The following GRID2 variants were observed in gnomAD, a reference collection of about 807,000 sequenced individuals.
GRID2 encodes glutamate receptor ionotropic, delta-2.
Under a neutral mutation model 114.8 loss-of-function variants are expected in GRID2, and 33 were observed. That is an observed-to-expected ratio of 0.29 (90% CI 0.22 to 0.38). The LOEUF is 0.38. GRID2 is among the 10% of genes least tolerant of loss of function. The pLI is 1.00. For synonymous variants in GRID2, 505 were observed against 449.9 expected (o/e 1.12, Z -1.55); for missense variants, 1,184 against 1,257.7 (o/e 0.94, Z 0.89).
chr4:93,339,121 C>T (rs904594847), intron 8 of GRID2, among the ~76,000 whole-genome samples: 2 of 152,154 alleles, frequency 1.3e-5, no homozygotes, highest in African/African-American at 4.8e-5. Flanking sequence ...ATGTTATTAG[C>T]ATTTATTGTT....
intron 2 of GRID2, among the ~76,000 whole-genome samples, chr4:92,723,384 CTG>C (rs984303295): frequency 3.2e-4 from 48 of 152,080 alleles, no homozygotes; most frequent in African/African-American, 1.1e-3. Context: ...ATCTGTCAAA[CTG>C]TGTTTGATGA....
At chr4:93,111,380 A>T (rs1210294785) in intron 4 of GRID2, among the ~76,000 whole-genome samples, 1 of 152,208 alleles carries the variant, frequency 6.6e-6, no homozygotes, top group East Asian at 1.9e-4. Context: ...GTTACAAAAC[A>T]TATACAGATT....
chr4:93,592,110 G>T (rs1292144686), intron 13 of GRID2, among the ~76,000 whole-genome samples: 3 of 152,056 alleles, frequency 2.0e-5, no homozygotes, highest in Non-Finnish European at 4.4e-5. Flanking sequence ...TTTTGAATTT[G>T]TTTCCTCTTG....
chr4:93,626,470 T>A (rs747213313), intron 14 of GRID2, 35 bp downstream of exon 14: 2 of 1,410,886 alleles, frequency 1.4e-6, no homozygotes, highest in East Asian at 2.4e-5. Context: ...AGGGGAGAGA[T>A]GAAATTTAGA....
At chr4:93,784,783 A>C (rs979032014) in intron 1 of GRID2, among the ~76,000 whole-genome samples, 5 of 152,162 alleles carry the variant, frequency 3.3e-5, no homozygotes. Context: ...TATGTTCCAT[A>C]AAAGTGATAC....
intron 2 of GRID2, among the ~76,000 whole-genome samples, chr4:93,024,944 G>C (rs1175735889): frequency 6.6e-6 from 1 of 151,784 alleles, no homozygotes; most frequent in East Asian, 1.9e-4. Context: ...CTGTGAAGCA[G>C]AGAAATGATA....
intron 2 of GRID2, among the ~76,000 whole-genome samples, chr4:92,594,025 GAA>G (rs1258136894): frequency 6.6e-6 from 1 of 151,530 alleles, no homozygotes; most frequent in Non-Finnish European, 1.5e-5. Context: ...CAATTTAGAT[GAA>G]ATAATTGAGA....
chr4:92,546,955 T>C (rs1486950983), intron 1 of GRID2, among the ~76,000 whole-genome samples: 1 of 152,190 alleles, frequency 6.6e-6, no homozygotes, highest in Non-Finnish European at 1.5e-5. Flanking sequence ...GTCAGGATTG[T>C]TCCTGGGTCT....
intron 8 of GRID2, among the ~76,000 whole-genome samples, chr4:93,254,285 A>G (rs2149536598): frequency 6.6e-6 from 1 of 152,260 alleles, no homozygotes; most frequent in African/African-American, 2.4e-5. Context: ...AAATAATCAA[A>G]AGTGAGAAAT....
At chr4:93,374,877 C>A (rs1363197335) in intron 8 of GRID2, among the ~76,000 whole-genome samples, 1 of 152,142 alleles carries the variant, frequency 6.6e-6, no homozygotes, top group Non-Finnish European at 1.5e-5. Context: ...TTACTAGTTT[C>A]TTTCTAATCA....
chr4:92,954,804 C>T (rs1240357167), intron 2 of GRID2, among the ~76,000 whole-genome samples: 10 of 139,378 alleles, frequency 7.2e-5, no homozygotes, highest in African/African-American at 2.2e-4. Flanking sequence ...TGTGATGTTC[C>T]CCTTTCTGTG....
chr4:92,458,588 TGACAGGAACAA>T (rs1165135577), intron 1 of GRID2, among the ~76,000 whole-genome samples: 2 of 152,198 alleles, frequency 1.3e-5, no homozygotes, highest in Non-Finnish European at 2.9e-5. Context: ...AATAGGTTCG[TGACAGGAACAA>T]ACAACAAATT....
chr4:92,599,504 AT>A, intron 2 of GRID2, among the ~76,000 whole-genome samples: 1 of 152,278 alleles, frequency 6.6e-6, no homozygotes, highest in African/African-American at 2.4e-5. Flanking sequence ...ACATAGGGAA[AT>A]ATTAACTTTA....
intron 8 of GRID2, among the ~76,000 whole-genome samples, chr4:93,358,164 G>T (rs536619210): frequency 3.3e-5 from 5 of 151,808 alleles, no homozygotes; most frequent in Admixed American, 3.3e-4. Context: ...ACTAACCTGG[G>T]TATTCCAGAT....
intron 2 of GRID2, among the ~76,000 whole-genome samples, chr4:93,062,678 C>G (rs1727912492): frequency 6.6e-6 from 1 of 151,932 alleles, no homozygotes; most frequent in Non-Finnish European, 1.5e-5. Context: ...AAAGAGAGAT[C>G]ATTTCCATTA....
chr4:92,616,746 A>G (rs533203572), intron 2 of GRID2, among the ~76,000 whole-genome samples: 1 of 151,554 alleles, frequency 6.6e-6, no homozygotes, highest in Admixed American at 6.6e-5. Flanking sequence ...CCTTGTATTT[A>G]TTGATATCTG....
intron 14 of GRID2, among the ~76,000 whole-genome samples, chr4:93,670,951 A>G (rs938922492): frequency 3.9e-5 from 6 of 152,168 alleles, no homozygotes; most frequent in Non-Finnish European, 8.8e-5. Flanking sequence ...AACATTCTAT[A>G]TGTGTACATA....
chr4:92,661,897 C>A (rs2149269656), intron 2 of GRID2, among the ~76,000 whole-genome samples: 1 of 151,064 alleles, frequency 6.6e-6, no homozygotes, highest in Non-Finnish European at 1.5e-5. Flanking sequence ...TAGCTTTAGT[C>A]AATGAGCTTA....
At chr4:92,749,100 T>C (rs900079399) in intron 2 of GRID2, among the ~76,000 whole-genome samples, 1 of 151,310 alleles carries the variant, frequency 6.6e-6, no homozygotes, top group Admixed American at 6.6e-5. Context: ...TGCAAGCGAT[T>C]CTCCTGCCTA....
Sources: allele counts gnomAD v4.1 joint callset (sites outside exome capture counted in the v4.1 genomes callset), GRCh38; gene constraint gnomAD v4.1.1; transcripts MANE v1.5; gene names NCBI Gene and HGNC (gene_info 2026-07-23, HGNC 2026-07-21).